The following WWTR1 variants were observed in gnomAD, a reference collection of about 807,000 sequenced individuals.
The protein encoded by WWTR1 is WW domain containing transcription regulator 1.
WWTR1 carries 13 observed loss-of-function variants against 40.1 expected under a neutral mutation model. That is an observed-to-expected ratio of 0.32 (90% confidence interval 0.21 to 0.52). The LOEUF (loss-of-function observed/expected upper bound fraction) is 0.52. Ranked by LOEUF, WWTR1 falls within the 20% of genes least tolerant of loss-of-function variation. WWTR1 has a pLI of 0.97. For missense variants in WWTR1, 436 were observed against 523.1 expected, an observed-to-expected ratio of 0.83 and a Z score of 1.63; for synonymous variants, 230 against 210.1, an observed-to-expected ratio of 1.09 and a Z score of -0.82.
At chr3:149,607,176 C>A (rs1271048641) in intron 2 of WWTR1, among the ~76,000 whole-genome samples, 1 of 152,138 alleles carries the variant, frequency 6.6e-6, no homozygotes, top group Non-Finnish European at 1.5e-5. Context: ...AAATATTCAT[C>A]TTTTTTAGTA....
chr3:149,666,832 T>G (rs1330297925), intron 2 of WWTR1, among the ~76,000 whole-genome samples: 1 of 152,344 alleles, frequency 6.6e-6, no homozygotes, highest in Middle Eastern at 3.4e-3. Flanking sequence ...AGAATCAGAC[T>G]CTTAATTACT....
At chr3:149,584,243 T>A (rs1738300404) in intron 2 of WWTR1, among the ~76,000 whole-genome samples, 1 of 152,210 alleles carries the variant, frequency 6.6e-6, no homozygotes, top group Non-Finnish European at 1.5e-5. Flanking sequence ...TAAATGTCAC[T>A]CATCCCAAAA....
intron 1 of WWTR1, among the ~76,000 whole-genome samples, chr3:149,697,903 T>A (rs77465477): frequency 6.6e-6 from 1 of 152,232 alleles, no homozygotes; most frequent in Non-Finnish European, 1.5e-5. Flanking sequence ...AATAGGCCCA[T>A]GCAGGTCTGG....
intron 1 of WWTR1, among the ~76,000 whole-genome samples, chr3:149,684,798 G>A (rs1019640141): frequency 5.9e-5 from 9 of 151,854 alleles, no homozygotes; most frequent in Non-Finnish European, 1.0e-4. Flanking sequence ...TCCTGGGCTC[G>A]AGCAATCCTC....
At chr3:149,648,005 C>T (rs1166732277) in intron 2 of WWTR1, among the ~76,000 whole-genome samples, 1 of 152,214 alleles carries the variant, frequency 6.6e-6, no homozygotes, top group African/African-American at 2.4e-5. Context: ...AACACACCCT[C>T]AGCATTTCTG....
At chr3:149,561,156 T>C (rs567156894) in intron 3 of WWTR1, among the ~76,000 whole-genome samples, 35 of 152,346 alleles carry the variant, frequency 2.3e-4, no homozygotes, top group African/African-American at 7.7e-4. Context: ...TGAAACATCA[T>C]TTATAATGAT....
At chr3:149,669,806 G>A (rs139247248) in exon 2 of WWTR1, 1 of 152,280 alleles carries the variant, frequency 6.6e-6, no homozygotes, top group Non-Finnish European at 1.5e-5. Context: ...TCACTAGTAA[G>A]CGTGGCTTAT....
At chr3:149,650,229 CCA>C (rs1712786285) in intron 2 of WWTR1, 1 of 152,294 alleles carries the variant, frequency 6.6e-6, no homozygotes, top group Non-Finnish European at 1.5e-5. Flanking sequence ...CACTCCACCA[CCA>C]CAGTTATGCG....
chr3:149,597,467 G>GA (rs11376176), intron 2 of WWTR1, among the ~76,000 whole-genome samples: 2,054 of 139,906 alleles, frequency 0.015, 25 homozygotes, highest in African/African-American at 0.052. Context: ...GAAGAAGAAG[G>GA]AAAAAAAAAA....
intron 2 of WWTR1, among the ~76,000 whole-genome samples, chr3:149,630,612 G>A (rs899824729): frequency 2.0e-5 from 3 of 152,130 alleles, no homozygotes; most frequent in African/African-American, 7.2e-5. Flanking sequence ...ACCTGCTTAA[G>A]CCCTTTTGCA....
chr3:149,586,610 T>C (rs1270514764), intron 2 of WWTR1, among the ~76,000 whole-genome samples: 1 of 152,176 alleles, frequency 6.6e-6, no homozygotes, highest in African/African-American at 2.4e-5. Context: ...TCTAATCCCT[T>C]GGAATTTTCT....
At chr3:149,657,338 T>C (rs1404215321) in intron 1 of WWTR1, 29 bp from the exon 2 acceptor site, 1 of 1,583,358 alleles carries the variant, frequency 6.3e-7, no homozygotes. Context: ...ATCAGCCTTT[T>C]ATTTAAAGTC....
chr3:149,620,317 GAT>G (rs1491438661), intron 2 of WWTR1, among the ~76,000 whole-genome samples: 19 of 152,150 alleles, frequency 1.2e-4, no homozygotes, highest in Non-Finnish European at 4.4e-5. Context: ...CAACCTCCAT[GAT>G]ATGAGACCTG....
chr3:149,719,740 A>G (rs1487837434), intron 4 of WWTR1, among the ~76,000 whole-genome samples: 4 of 152,180 alleles, frequency 2.6e-5, no homozygotes, highest in Non-Finnish European at 4.4e-5. Flanking sequence ...AACAGGCACA[A>G]AGATTCTATT....
intron 2 of WWTR1, among the ~76,000 whole-genome samples, chr3:149,574,476 A>G (rs1737787602): frequency 2.0e-5 from 3 of 152,326 alleles, no homozygotes; most frequent in South Asian, 4.1e-4. Context: ...TTCCTTAGAC[A>G]TACAACAAAA....
intron 4 of WWTR1, among the ~76,000 whole-genome samples, chr3:149,723,875 C>G (rs9840144): frequency 0.43 from 64,683 of 152,126 alleles, 14,310 homozygotes; most frequent in Middle Eastern, 0.59. Context: ...TATTTGGAGG[C>G]CAGGGTCCTT....
chr3:149,622,494 GAAGGAAGGAAGA>G (rs1330543553), intron 2 of WWTR1, among the ~76,000 whole-genome samples: 45 of 44,862 alleles, frequency 1.0e-3, no homozygotes, highest in Admixed American at 2.4e-3. Flanking sequence ...AGGAAGGAAG[GAAGGAAGGAAGA>G]AAGAAAGAAA....
In WWTR1 at chr3:149,690,318, T is replaced by A. The variant is rs142334526; in HGVS notation, c.-108+12806A>T. Among the ~76,000 whole-genome samples, 90 of 151,918 alleles carry A rather than the reference T, an allele frequency of 5.9e-4. 1 individual carries two copies. In the East Asian group the frequency reaches 0.015, roughly 25 times the overall value. ...AACTAAACTCTCCAATCAAAAGACA[T>A]AGAGTGGCTGAATGGATATAAAAAC... On this transcript the variant is annotated intron_variant, in intron 1 of 7. Transcript: ENST00000465804.
intron 1 of WWTR1, among the ~76,000 whole-genome samples, chr3:149,696,441 G>A (rs918009976): frequency 2.6e-5 from 4 of 152,186 alleles, no homozygotes; most frequent in African/African-American, 4.8e-5. Flanking sequence ...TACAAGGTAA[G>A]TACTAATAGT....
Sources: allele counts gnomAD v4.1 joint callset (sites outside exome capture counted in the v4.1 genomes callset), GRCh38; gene constraint gnomAD v4.1.1; transcripts MANE v1.5; gene names NCBI Gene and HGNC (gene_info 2026-07-23, HGNC 2026-07-21).